C8orf34: variants seen among roughly 807,000 people sequenced by gnomAD.
The protein encoded by C8orf34 is uncharacterized protein C8orf34.
Under a neutral mutation model 68.3 loss-of-function variants are expected in C8orf34, and 65 were observed. The observed-to-expected ratio is 0.95, with a 90% confidence interval of 0.78 to 1.17. The LOEUF (loss-of-function observed/expected upper bound fraction) is 1.17. Among genes scored for constraint, C8orf34 ranks in the 50% most tolerant of loss-of-function variants. The pLI is 0.00. For synonymous variants in C8orf34, 244 were observed against 241.2 expected (o/e 1.01, Z -0.11); for missense variants, 664 against 655.4 (o/e 1.01, Z -0.14).
At chr8:68,765,082 C>G (rs1823133520) in intron 10 of C8orf34, among the ~76,000 whole-genome samples, 1 of 151,616 alleles carries the variant, frequency 6.6e-6, no homozygotes, top group South Asian at 2.1e-4. Flanking sequence ...TCATTATAAA[C>G]TAAACACTAG....
At chr8:68,805,000 G>T (rs1463332154) in intron 12 of C8orf34, among the ~76,000 whole-genome samples, 1 of 152,292 alleles carries the variant, frequency 6.6e-6, no homozygotes, top group South Asian at 2.1e-4. Context: ...CTGAAGCAAA[G>T]AACTTGGTAT....
Position 68,818,442 on chromosome 8 carries a change from T to G in C8orf34, c.*196T>G. ...GAGAACACTAATCCTGGCAAAGGAT[T>G]GTGGGGTGGTCAGGAGGCCGGCTGC... is the stretch of plus-strand genomic sequence containing the variant. On this transcript the variant is annotated 3_prime_UTR_variant, in exon 14 of 14. Transcript: ENST00000518698. 1 of 580,202 alleles carries G rather than the reference T, an allele frequency of 1.7e-6. No homozygotes were observed. Among genetic ancestry groups the G allele is most frequent in the Non-Finnish European group, 3.0e-6 (1 of 330,960 alleles). 35.9% of individuals were successfully genotyped at this position (580,202 alleles called of 1,614,324 possible). A position where few individuals can be genotyped will look rare whatever the true frequency, so the allele number is the denominator to read the frequency against.
At chr8:68,681,060 A>C (rs1272337933) in intron 8 of C8orf34, among the ~76,000 whole-genome samples, 1 of 152,100 alleles carries the variant, frequency 6.6e-6, no homozygotes, top group Non-Finnish European at 1.5e-5. Context: ...GAAGAAAAAT[A>C]TGGCTGTTTT....
chr8:68,806,498 T>A (rs1248078824), intron 12 of C8orf34, among the ~76,000 whole-genome samples: 1 of 152,174 alleles, frequency 6.6e-6, no homozygotes, highest in African/African-American at 2.4e-5. Flanking sequence ...TAAAATGATA[T>A]CTGTCATTTT....
intron 1 of C8orf34, among the ~76,000 whole-genome samples, chr8:68,434,237 A>G (rs1168818172): frequency 6.6e-6 from 1 of 152,074 alleles, no homozygotes; most frequent in East Asian, 1.9e-4. Flanking sequence ...TCAACCCATC[A>G]TGTAGGTTTT....
chr8:68,467,050 CTT>C (rs1444996792), intron 3 of C8orf34, among the ~76,000 whole-genome samples: 3 of 151,502 alleles, frequency 2.0e-5, no homozygotes, highest in Admixed American at 6.6e-5. Context: ...ACTTTCACCT[CTT>C]TTAGATGTTG....
intron 10 of C8orf34, among the ~76,000 whole-genome samples, chr8:68,744,143 G>C (rs964563840): frequency 6.6e-6 from 1 of 152,120 alleles, no homozygotes; most frequent in Non-Finnish European, 1.5e-5. Context: ...TCACACGGCT[G>C]GGTACTCCAA....
In C8orf34 at chr8:68,538,344, C is replaced by T. The variant is rs571024117; in HGVS notation, c.1105+5195C>T. 1.6e-4 allele frequency among the ~76,000 whole-genome samples: 24 copies of T among 152,164 alleles called. No homozygotes were observed. The Middle Eastern group carries it at 0.01, about 65-fold the overall frequency. On this transcript the variant is annotated intron_variant, in intron 7 of 13. Coordinates refer to ENST00000518698, the MANE Select transcript of C8orf34 (RefSeq NM_052958.4). Reference sequence around the variant, plus strand: ...CCCAGGTCTAGACCTCATGCTACCTCTTGCTAATATTGTCCCCTCAGGTAC... The same window carrying T: ...CCCAGGTCTAGACCTCATGCTACCTTTTGCTAATATTGTCCCCTCAGGTAC...
At chr8:68,692,273 A>T (rs576232845) in intron 8 of C8orf34, among the ~76,000 whole-genome samples, 1 of 152,180 alleles carries the variant, frequency 6.6e-6, no homozygotes, top group Non-Finnish European at 1.5e-5. Flanking sequence ...TAGGTTCAGG[A>T]TGACTGCTGA....
At chr8:68,555,642 ACAGTTTTACATGCT>A (rs374403015) in intron 7 of C8orf34, among the ~76,000 whole-genome samples, 1,544 of 152,028 alleles carry the variant, frequency 0.01, 26 homozygotes, top group African/African-American at 0.036. Flanking sequence ...CTATTATTTC[ACAGTTTTACATGCT>A]CAGGGATGTA....
At chr8:68,358,521 T>G (rs532517477) in intron 1 of C8orf34, among the ~76,000 whole-genome samples, 1 of 152,038 alleles carries the variant, frequency 6.6e-6, no homozygotes, top group Admixed American at 6.6e-5. Flanking sequence ...TCACTGACAT[T>G]TCCATGTTTA....
At chr8:68,533,829 A>T in intron 7 of C8orf34, 5 of 981,540 alleles carry the variant, frequency 5.1e-6, no homozygotes, top group Non-Finnish European at 6.1e-6. Context: ...AAAGAAAATG[A>T]AATGTTATTT....
chr8:68,443,340 A>G (rs1810988580), intron 2 of C8orf34, among the ~76,000 whole-genome samples: 1 of 152,162 alleles, frequency 6.6e-6, no homozygotes, highest in Non-Finnish European at 1.5e-5. Context: ...ATGATGGTAA[A>G]TAATGCCAAT....
At chr8:68,729,254 T>C (rs142277839) in intron 10 of C8orf34, among the ~76,000 whole-genome samples, 219 of 152,356 alleles carry the variant, frequency 1.4e-3, no homozygotes, top group African/African-American at 4.1e-3. Context: ...GTCCCTCCTG[T>C]ATTTCTATTC....
chr8:68,435,881 A>G (rs1253890567), intron 1 of C8orf34, among the ~76,000 whole-genome samples: 1 of 152,196 alleles, frequency 6.6e-6, no homozygotes, highest in Non-Finnish European at 1.5e-5. Flanking sequence ...TAGATGGAAT[A>G]TGAATGTTAA....
At chr8:68,764,663 G>C (rs1823118011) in intron 10 of C8orf34, among the ~76,000 whole-genome samples, 1 of 152,120 alleles carries the variant, frequency 6.6e-6, no homozygotes, top group Non-Finnish European at 1.5e-5. Flanking sequence ...AAGGTTGAGG[G>C]GAAGGAGACA....
At chr8:68,514,011 G>A (rs1016340796) in intron 5 of C8orf34, among the ~76,000 whole-genome samples, 2 of 152,190 alleles carry the variant, frequency 1.3e-5, no homozygotes, top group African/African-American at 4.8e-5. Context: ...CAAGCCCCAT[G>A]TTGGGCATCA....
intron 1 of C8orf34, among the ~76,000 whole-genome samples, chr8:68,336,679 G>C (rs1004384849): frequency 6.6e-6 from 1 of 152,106 alleles, no homozygotes; most frequent in Admixed American, 6.5e-5. Flanking sequence ...CAACATCCTG[G>C]TAGCAATGAG....
At chr8:68,638,418 A>G (rs887014446) in intron 7 of C8orf34, among the ~76,000 whole-genome samples, 1 of 151,896 alleles carries the variant, frequency 6.6e-6, no homozygotes, top group Non-Finnish European at 1.5e-5. Flanking sequence ...ATAGGTTCAT[A>G]ACCTTGATTA....
Sources: allele counts gnomAD v4.1 joint callset (sites outside exome capture counted in the v4.1 genomes callset), GRCh38; gene constraint gnomAD v4.1.1; transcripts MANE v1.5; gene names NCBI Gene and HGNC (gene_info 2026-07-23, HGNC 2026-07-21).